STPG2: variants seen among roughly 807,000 people sequenced by gnomAD.
STPG2 encodes sperm tail PG-rich repeat containing 2.
STPG2 carries 56 observed loss-of-function variants against 54.2 expected under a neutral mutation model. The ratio of observed to expected loss-of-function variants is 1.03; its 90% CI spans 0.83 to 1.29. The LOEUF (loss-of-function observed/expected upper bound fraction) is 1.29. Ranked by LOEUF, STPG2 falls within the 50% of genes most tolerant of loss-of-function variation. The pLI is 0.00. For synonymous variants in STPG2, 200 were observed against 181.8 expected, an observed-to-expected ratio of 1.10 and a Z score of -0.81; for missense variants, 596 against 544.9, an observed-to-expected ratio of 1.09 and a Z score of -0.93.
At chr4:98,018,459 G>T (rs1288560754) in intron 5 of STPG2, among the ~76,000 whole-genome samples, 3 of 152,098 alleles carry the variant, frequency 2.0e-5, no homozygotes, top group Non-Finnish European at 4.4e-5. Flanking sequence ...GCGATTGTGA[G>T]TAGTGCCACA....
intron 8 of STPG2, among the ~76,000 whole-genome samples, chr4:97,922,652 G>A (rs1435686868): frequency 2.6e-5 from 4 of 152,194 alleles, no homozygotes; most frequent in African/African-American, 9.6e-5. Context: ...CTAGGAATCT[G>A]CAAACCATAT....
At chr4:97,599,177 A>C (rs1421116994) in intron 10 of STPG2, among the ~76,000 whole-genome samples, 1 of 152,228 alleles carries the variant, frequency 6.6e-6, no homozygotes, top group African/African-American at 2.4e-5. Flanking sequence ...TGATCGTTAG[A>C]GAAATGCAAG....
chr4:97,896,371 G>A (rs1317759628), intron 8 of STPG2, among the ~76,000 whole-genome samples: 1 of 151,728 alleles, frequency 6.6e-6, no homozygotes, highest in Non-Finnish European at 1.5e-5. Flanking sequence ...ACTTAAGGAT[G>A]CCTATATAAC....
chr4:97,475,223 T>C (rs953581378), intron 4 of STPG2, among the ~76,000 whole-genome samples: 13 of 151,914 alleles, frequency 8.6e-5, no homozygotes, highest in African/African-American at 3.1e-4. Context: ...AATGTTTTCA[T>C]TCTTTATTTT....
intron 10 of STPG2, among the ~76,000 whole-genome samples, chr4:97,634,297 A>T (rs1026246544): frequency 3.3e-5 from 5 of 152,140 alleles, no homozygotes; most frequent in Non-Finnish European, 7.3e-5. Context: ...TGTTAGAAGG[A>T]AAACTAACAA....
chr4:97,448,369 A>T (rs1240185468), intron 4 of STPG2, among the ~76,000 whole-genome samples: 1 of 152,134 alleles, frequency 6.6e-6, no homozygotes, highest in East Asian at 1.9e-4. Flanking sequence ...CAGGGACAGA[A>T]TGATATGGTT....
chr4:97,580,034 ACT>A (rs1035363343), intron 10 of STPG2, among the ~76,000 whole-genome samples: 4 of 151,968 alleles, frequency 2.6e-5, no homozygotes, highest in Admixed American at 2.6e-4. Context: ...GATCTTCATC[ACT>A]CTGGTAAATA....
At chr4:98,120,361 G>A (rs1021165621) in intron 3 of STPG2, among the ~76,000 whole-genome samples, 2 of 152,108 alleles carry the variant, frequency 1.3e-5, no homozygotes, top group African/African-American at 2.4e-5. Context: ...TTACAGGCAT[G>A]AGCCACCACG....
At chr4:97,780,233 A>C (rs2149070661) in intron 9 of STPG2, among the ~76,000 whole-genome samples, 1 of 76,082 alleles carries the variant, frequency 1.3e-5, no homozygotes, top group Non-Finnish European at 2.7e-5. Flanking sequence ...GGGATGGAGG[A>C]AGATCTATGA....
chr4:97,794,434 C>T (rs1727102703), intron 9 of STPG2, among the ~76,000 whole-genome samples: 1 of 152,074 alleles, frequency 6.6e-6, no homozygotes, highest in African/African-American at 2.4e-5. Context: ...ATTTTTATCA[C>T]TTGAAATCTA....
intron 5 of STPG2, among the ~76,000 whole-genome samples, chr4:98,080,340 T>G (rs2110115470): frequency 6.6e-6 from 1 of 152,246 alleles, no homozygotes; most frequent in Non-Finnish European, 1.5e-5. Flanking sequence ...GCAATATACC[T>G]GCCTCAGTCG....
At chr4:97,553,987 T>C (rs1338856936), downstream of STPG2, among the ~76,000 whole-genome samples, 2 of 152,222 alleles carry the variant, frequency 1.3e-5, no homozygotes, top group South Asian at 2.1e-4. Context: ...CAACTCTTTA[T>C]TTTCTAACAG....
intron 10 of STPG2, among the ~76,000 whole-genome samples, chr4:97,665,630 C>A (rs1211156985): frequency 1.3e-5 from 2 of 152,164 alleles, no homozygotes; most frequent in Non-Finnish European, 1.5e-5. Flanking sequence ...GGAATCCTGG[C>A]CCCTAGACTT....
chr4:97,992,144 A>C (rs1206670348), intron 5 of STPG2, among the ~76,000 whole-genome samples: 1 of 151,858 alleles, frequency 6.6e-6, no homozygotes, highest in Admixed American at 6.6e-5. Flanking sequence ...TGCGTTTGCT[A>C]TTGGGTTCTT....
At chr4:97,774,307 G>A (rs532237496) in intron 9 of STPG2, among the ~76,000 whole-genome samples, 2 of 152,082 alleles carry the variant, frequency 1.3e-5, no homozygotes, top group Non-Finnish European at 2.9e-5. Context: ...AATGTCTGGG[G>A]TACAGGACCT....
intron 7 of STPG2, among the ~76,000 whole-genome samples, chr4:97,956,801 C>A (rs1733690756): frequency 6.6e-6 from 1 of 152,168 alleles, no homozygotes; most frequent in African/African-American, 2.4e-5. Flanking sequence ...CCCCATGGGA[C>A]AAATTAATCT....
intron 4 of STPG2, among the ~76,000 whole-genome samples, chr4:97,517,184 A>C (rs1016803355): frequency 3.3e-5 from 5 of 152,040 alleles, no homozygotes; most frequent in African/African-American, 1.2e-4. Context: ...CTGGGATTAC[A>C]GGAGTGAGCC....
At chr4:97,813,633 G>T (rs1399970497) in intron 9 of STPG2, among the ~76,000 whole-genome samples, 1 of 119,216 alleles carries the variant, frequency 8.4e-6, no homozygotes, top group Non-Finnish European at 1.6e-5. Flanking sequence ...CTTGAGCCCA[G>T]GAGTTCAAGT....
At chr4:97,742,547 GTGTGTGTGTGTGTGTGTGTC>G (rs1433562548) in intron 9 of STPG2, among the ~76,000 whole-genome samples, 1 of 143,012 alleles carries the variant, frequency 7.0e-6, no homozygotes, top group African/African-American at 2.6e-5. Flanking sequence ...GTGTGTGTGT[GTGTGTGTGTGTGTGTGTGTC>G]TATATATATA....
Sources: gnomAD v4.1 joint callset for allele counts (sites outside exome capture counted in the v4.1 genomes callset) on GRCh38, gnomAD v4.1.1 for gene constraint, MANE v1.5 for transcripts, NCBI Gene and HGNC (gene_info 2026-07-23, HGNC 2026-07-21) for gene names.